The following HDAC9 variants were observed in gnomAD, a reference collection of about 807,000 sequenced individuals.
HDAC9 encodes MEF-2 interacting transcription repressor (MITR) protein.
In HDAC9, 41 loss-of-function variants were observed where a neutral mutation model predicts 139.4. That is an observed-to-expected ratio of 0.29 (90% CI 0.23 to 0.38). The LOEUF is 0.38. Ranked by LOEUF, HDAC9 falls within the 10% of genes least tolerant of loss-of-function variation. HDAC9 has a pLI of 1.00. For missense variants in HDAC9, 1,147 were observed against 1,297.0 expected, an observed-to-expected ratio of 0.88 and a Z score of 1.78; for synonymous variants, 517 against 476.2, an observed-to-expected ratio of 1.09 and a Z score of -1.12.
chr7:18,166,809 A>G (rs1267408682), intron 2 of HDAC9, among the ~76,000 whole-genome samples: 1 of 152,222 alleles, frequency 6.6e-6, no homozygotes, highest in Admixed American at 6.5e-5. Flanking sequence ...GTAGGAAACT[A>G]AAACCAGGAC....
chr7:18,216,982 C>A (rs531726010), intron 2 of HDAC9, among the ~76,000 whole-genome samples: 3 of 152,072 alleles, frequency 2.0e-5, no homozygotes, highest in Non-Finnish European at 4.4e-5. Context: ...ACCATATCAA[C>A]TAGCAGAATG....
At chr7:18,259,771 C>G (rs138826479) in intron 2 of HDAC9, among the ~76,000 whole-genome samples, 59 of 152,190 alleles carry the variant, frequency 3.9e-4, no homozygotes, top group African/African-American at 1.3e-3. Flanking sequence ...AATATTTACC[C>G]TTTAGATCAC....
intron 7 of HDAC9, among the ~76,000 whole-genome samples, chr7:18,633,633 G>GA (rs967297644): frequency 1.1e-4 from 17 of 152,036 alleles, no homozygotes; most frequent in Non-Finnish European, 1.9e-4. Flanking sequence ...TCCTGTCTCT[G>GA]AAAAGCATGA....
intron 14 of HDAC9, among the ~76,000 whole-genome samples, chr7:18,754,012 C>T (rs1788671694): frequency 6.6e-6 from 1 of 152,084 alleles, no homozygotes; most frequent in Non-Finnish European, 1.5e-5. Context: ...ATTGGCTCTG[C>T]TTACTAATCC....
At chr7:18,700,346 C>G (rs919175359) in intron 12 of HDAC9, among the ~76,000 whole-genome samples, 4 of 152,198 alleles carry the variant, frequency 2.6e-5, no homozygotes, top group Non-Finnish European at 5.9e-5. Flanking sequence ...CCTTTAACCC[C>G]TCACTGCCCC....
chr7:18,826,781 C>T (rs1361251082), intron 17 of HDAC9, among the ~76,000 whole-genome samples: 1 of 150,932 alleles, frequency 6.6e-6, no homozygotes, highest in Admixed American at 6.6e-5. Context: ...TTCTAAAATC[C>T]TTTCTTCTTT....
chr7:18,299,589 A>G (rs931424953), intron 1 of HDAC9, among the ~76,000 whole-genome samples: 1 of 152,142 alleles, frequency 6.6e-6, no homozygotes, highest in East Asian at 1.9e-4. Context: ...GATTTTTTAC[A>G]GTCAGGAAAA....
At chr7:18,397,957 A>G (rs1022506745) in intron 1 of HDAC9, among the ~76,000 whole-genome samples, 10 of 152,174 alleles carry the variant, frequency 6.6e-5, no homozygotes, top group African/African-American at 2.2e-4. Flanking sequence ...GGGAGCTGGC[A>G]AGATCCTGAC....
chr7:18,232,726 G>A (rs1793546240), intron 2 of HDAC9, among the ~76,000 whole-genome samples: 1 of 152,170 alleles, frequency 6.6e-6, no homozygotes, highest in South Asian at 2.1e-4. Context: ...TGGTTTGCAT[G>A]CCACCAGTTC....
intron 2 of HDAC9, among the ~76,000 whole-genome samples, chr7:18,251,852 C>G: frequency 6.6e-6 from 1 of 152,070 alleles, no homozygotes; most frequent in East Asian, 1.9e-4. Context: ...CTGCAAACTA[C>G]CATGAAGTTA....
intron 16 of HDAC9, among the ~76,000 whole-genome samples, chr7:18,788,517 G>A (rs1376987988): frequency 6.6e-6 from 1 of 152,150 alleles, no homozygotes; most frequent in Non-Finnish European, 1.5e-5. Context: ...CATTTTGGGA[G>A]GCTGAGGCAG....
intron 17 of HDAC9, among the ~76,000 whole-genome samples, chr7:18,805,782 G>A (rs964673279): frequency 1.3e-5 from 2 of 152,202 alleles, no homozygotes; most frequent in Non-Finnish European, 1.5e-5. Context: ...GGCCTTTGAA[G>A]AACCCAGAGA....
intron 2 of HDAC9, among the ~76,000 whole-genome samples, chr7:18,541,155 T>TTTTTTTTTTTTTTG (rs1812763592): frequency 6.7e-6 from 1 of 148,514 alleles, no homozygotes; most frequent in African/African-American, 2.5e-5. Context: ...TTTTTTTTTT[T>TTTTTTTTTTTTTTG]TTTTTTTTTT....
intron 1 of HDAC9, among the ~76,000 whole-genome samples, chr7:18,291,011 C>T (rs905944260): frequency 3.2e-4 from 49 of 152,128 alleles, no homozygotes; most frequent in African/African-American, 1.1e-3. Context: ...ATAGAGATTT[C>T]CCATGCATCT....
At chr7:18,235,435 T>C (rs1376741254) in intron 2 of HDAC9, among the ~76,000 whole-genome samples, 1 of 152,190 alleles carries the variant, frequency 6.6e-6, no homozygotes, top group Non-Finnish European at 1.5e-5. Flanking sequence ...TTAATGTCAC[T>C]GAACATGGGG....
intron 2 of HDAC9, among the ~76,000 whole-genome samples, chr7:18,284,023 T>C (rs1362500165): frequency 1.3e-5 from 2 of 152,170 alleles, no homozygotes; most frequent in Non-Finnish European, 2.9e-5. Context: ...CTCATGTCAC[T>C]TGTACAATTT....
chr7:18,496,418 G>A (rs1045960221), intron 2 of HDAC9, 94 bp downstream of exon 2: 8 of 1,118,700 alleles, frequency 7.2e-6, no homozygotes, highest in South Asian at 1.4e-5. Flanking sequence ...TAAGGAAATT[G>A]CTGCTTTTTC....
At chr7:18,347,441 T>C (rs1375440037) in intron 1 of HDAC9, among the ~76,000 whole-genome samples, 2 of 152,150 alleles carry the variant, frequency 1.3e-5, no homozygotes, top group African/African-American at 4.8e-5. Context: ...TAGAACATCC[T>C]TACTTAGACA....
chr7:18,400,575 A>G (rs1019117663), intron 1 of HDAC9, among the ~76,000 whole-genome samples: 2 of 152,180 alleles, frequency 1.3e-5, no homozygotes, highest in Non-Finnish European at 2.9e-5. Flanking sequence ...GGAACTTGAA[A>G]AGACTGGATG....
Sources: gnomAD v4.1 joint callset for allele counts (sites outside exome capture counted in the v4.1 genomes callset) on GRCh38, gnomAD v4.1.1 for gene constraint, MANE v1.5 for transcripts, NCBI Gene and HGNC (gene_info 2026-07-23, HGNC 2026-07-21) for gene names.